ATXN1: variants seen among roughly 807,000 people sequenced by gnomAD.
The protein encoded by ATXN1 is ataxin 1.
Under a neutral mutation model 56.4 loss-of-function variants are expected in ATXN1, and 8 were observed. The ratio of observed to expected loss-of-function variants is 0.14; its 90% confidence interval spans 0.08 to 0.26. The LOEUF (loss-of-function observed/expected upper bound fraction) is 0.26, where lower values mean the gene tolerates loss of function less well. Among genes scored for constraint, ATXN1 ranks in the 10% least tolerant of loss-of-function variants. The pLI is 1.00. For synonymous variants in ATXN1, 514 were observed against 494.6 expected (o/e 1.04, Z -0.52); for missense variants, 987 against 1,106.5 (o/e 0.89, Z 1.53).
At chr6:16,645,162 T>C (rs994616677) in intron 3 of ATXN1, among the ~76,000 whole-genome samples, 3 of 152,208 alleles carry the variant, frequency 2.0e-5, no homozygotes, top group Non-Finnish European at 2.9e-5. Flanking sequence ...TTCCACCAGA[T>C]GGAAGAAGCA....
At position 16,307,640 on chromosome 6, in the gene ATXN1, C is replaced by T. The variant is rs186523000; in HGVS notation, c.1918-781G>A. Among the ~76,000 whole-genome samples the T allele has an allele frequency of 2.5e-3, 365 of 148,928 alleles. 8 individuals are homozygous for T. The South Asian group carries it at 0.043, about 18-fold the overall frequency. On this transcript the variant is annotated intron_variant, in intron 7 of 7. Coordinates refer to ENST00000436367, the MANE Select transcript of ATXN1 (RefSeq NM_001128164.2). ...AGCGAGCCGAGATCGTGCCACTGGG[C>T]GATCCAGCCTGGGCCACAGAGTGAG... is the stretch of plus-strand genomic sequence containing the variant.
chr6:16,473,457 C>CCTAT (rs1760261781), intron 6 of ATXN1, among the ~76,000 whole-genome samples: 1 of 152,112 alleles, frequency 6.6e-6, no homozygotes, highest in Admixed American at 6.5e-5. Flanking sequence ...TAAGCATGGT[C>CCTAT]CTATCCGAGG....
chr6:16,748,717 T>G (rs72827833), intron 2 of ATXN1, among the ~76,000 whole-genome samples: 2,629 of 152,324 alleles, frequency 0.017, 27 homozygotes, highest in Non-Finnish European at 0.027. Flanking sequence ...GATCTGCCCC[T>G]GGAGTTGTTT....
intron 2 of ATXN1, among the ~76,000 whole-genome samples, chr6:16,701,813 C>T (rs750488085): frequency 3.9e-5 from 6 of 152,080 alleles, no homozygotes; most frequent in Non-Finnish European, 5.9e-5. Context: ...AACTACAAAC[C>T]ACTGCTCAAC....
At chr6:16,611,882 C>CA (rs1763114425) in intron 3 of ATXN1, among the ~76,000 whole-genome samples, 1 of 70,750 alleles carries the variant, frequency 1.4e-5, no homozygotes, top group South Asian at 5.5e-4. Flanking sequence ...TTTTTTGAGA[C>CA]AGAGTCTCAC....
intron 3 of ATXN1, among the ~76,000 whole-genome samples, chr6:16,595,903 C>T (rs1006898253): frequency 3.9e-5 from 6 of 152,290 alleles, no homozygotes; most frequent in South Asian, 2.1e-4. Flanking sequence ...GGTGCCTTCT[C>T]GTTTTAAGCT....
intron 2 of ATXN1, among the ~76,000 whole-genome samples, chr6:16,676,847 G>A (rs1758671768): frequency 6.6e-6 from 1 of 151,986 alleles, no homozygotes; most frequent in African/African-American, 2.4e-5. Flanking sequence ...GCCAAGAAAA[G>A]TGTTACATCA....
intron 6 of ATXN1, among the ~76,000 whole-genome samples, chr6:16,458,905 C>T (rs767265417): frequency 4.5e-4 from 68 of 152,230 alleles, no homozygotes; most frequent in Non-Finnish European, 1.5e-4. Flanking sequence ...CTCATGTCAT[C>T]ACCCTCACTG....
chr6:16,493,065 T>A (rs952409445), intron 5 of ATXN1, among the ~76,000 whole-genome samples: 1 of 152,166 alleles, frequency 6.6e-6, no homozygotes, highest in Non-Finnish European at 1.5e-5. Flanking sequence ...AGCCTGCTCA[T>A]TGGTCTTCTT....
At chr6:16,638,966 G>C (rs1280431203) in intron 3 of ATXN1, among the ~76,000 whole-genome samples, 3 of 152,194 alleles carry the variant, frequency 2.0e-5, no homozygotes, top group African/African-American at 7.2e-5. Context: ...GGTCGAGTGG[G>C]GACTTGGAGA....
Position 16,746,958 on chromosome 6 carries a change from A to C in ATXN1, c.-615+6275T>G, listed in dbSNP as rs141236170. On this transcript the variant is annotated intron_variant, in intron 2 of 7. Transcript: ENST00000436367. The stretch of plus-strand genomic sequence containing the variant: ...TTTGGAGACAGGAAAACTGAGACCC[A>C]GCAAGGTACAGTGAGTAGCACAAGT... 7.9e-5 allele frequency among the ~76,000 whole-genome samples: 12 copies of C among 152,290 alleles called. No individual in the cohort carries two copies. The East Asian group carries it at 2.3e-3, about 29-fold the overall frequency.
At chr6:16,591,356 T>C (rs145647799) in intron 3 of ATXN1, among the ~76,000 whole-genome samples, 49 of 152,332 alleles carry the variant, frequency 3.2e-4, no homozygotes, top group Middle Eastern at 3.4e-3. Context: ...CCTAAGTATA[T>C]GGTTCTTTGC....
intron 2 of ATXN1, among the ~76,000 whole-genome samples, chr6:16,665,537 G>C (rs1286842524): frequency 6.6e-6 from 1 of 150,760 alleles, no homozygotes; most frequent in South Asian, 2.1e-4. Flanking sequence ...CTCCAGAAAA[G>C]GTCTTGGGTG....
At chr6:16,607,126 G>A (rs1188894289) in intron 3 of ATXN1, among the ~76,000 whole-genome samples, 2 of 152,030 alleles carry the variant, frequency 1.3e-5, no homozygotes, top group African/African-American at 4.8e-5. Context: ...CACCCGCCTT[G>A]GCCTCCCAAA....
intron 2 of ATXN1, among the ~76,000 whole-genome samples, chr6:16,658,945 T>C (rs1044145102): frequency 2.0e-5 from 3 of 152,230 alleles, no homozygotes; most frequent in Admixed American, 1.3e-4. Context: ...AAAGAGGATA[T>C]GCTCGTATGC....
chr6:16,321,376 G>C (rs1164289351), intron 7 of ATXN1, among the ~76,000 whole-genome samples: 2 of 152,204 alleles, frequency 1.3e-5, no homozygotes, highest in Non-Finnish European at 2.9e-5. Context: ...CCAGAATCAA[G>C]GCATGGCAAA....
chr6:16,595,489 T>C (rs891853439), intron 3 of ATXN1, among the ~76,000 whole-genome samples: 1 of 152,232 alleles, frequency 6.6e-6, no homozygotes, highest in African/African-American at 2.4e-5. Flanking sequence ...GTTCAAATGT[T>C]AAGAAGTGTC....
chr6:16,522,576 T>C (rs985326382), intron 5 of ATXN1, 51 bp downstream of exon 5: 1 of 152,148 alleles, frequency 6.6e-6, no homozygotes, highest in African/African-American at 2.4e-5. Context: ...AGTAATTGGA[T>C]AATATTTTGA....
chr6:16,457,408 CGGTTTT>C (rs1451182585), intron 6 of ATXN1, among the ~76,000 whole-genome samples: 7 of 151,308 alleles, frequency 4.6e-5, no homozygotes, highest in Non-Finnish European at 1.0e-4. Flanking sequence ...AAACTGCAGG[CGGTTTT>C]TTCTTTCAGA....
Sources: gnomAD v4.1 joint callset for allele counts (sites outside exome capture counted in the v4.1 genomes callset) on GRCh38, gnomAD v4.1.1 for gene constraint, MANE v1.5 for transcripts, NCBI Gene and HGNC (gene_info 2026-07-23, HGNC 2026-07-21) for gene names.